The following MID1 variants were observed in gnomAD, a reference collection of about 807,000 sequenced individuals.
MID1 encodes the protein E3 ubiquitin-protein ligase Midline-1.
Under a neutral mutation model 40.4 loss-of-function variants are expected in MID1, and 7 were observed. The observed-to-expected ratio is 0.17, with a 90% CI of 0.10 to 0.33. MID1 has a LOEUF of 0.33. Among genes scored for constraint, MID1 ranks in the 10% least tolerant of loss-of-function variants. MID1 has a pLI of 1.00. For synonymous variants in MID1, 229 were observed against 221.2 expected (o/e 1.04, Z -0.31); for missense variants, 367 against 558.5 (o/e 0.66, Z 3.46).
chrX:10,754,589 A>G (rs1265919628), intron 1 of MID1, among the ~76,000 whole-genome samples: 2 of 111,230 alleles, frequency 1.8e-5, no homozygotes, highest in African/African-American at 6.6e-5. Flanking sequence ...TCCCAAACAG[A>G]GAGAGACTGA....
intron 1 of MID1, among the ~76,000 whole-genome samples, chrX:10,666,255 C>T (rs377760401): frequency 5.4e-5 from 6 of 110,660 alleles, no homozygotes; most frequent in East Asian, 2.9e-4. Context: ...TCTTCTCAGT[C>T]GCTATTGATG....
chrX:10,516,872 G>A (rs754695794), intron 3 of MID1, among the ~76,000 whole-genome samples: 92 of 109,795 alleles, frequency 8.4e-4, no homozygotes, highest in African/African-American at 2.9e-3. Flanking sequence ...TGCCTTGGCC[G>A]CCCAAAGTAT....
chrX:10,744,998 G>A (rs1245802593), intron 1 of MID1, among the ~76,000 whole-genome samples: 3 of 112,453 alleles, frequency 2.7e-5, no homozygotes, highest in Non-Finnish European at 3.8e-5. Flanking sequence ...AGCTGCTAGA[G>A]CTACTGTTAA....
At chrX:10,591,335 C>T (rs1373144711) in intron 1 of MID1, among the ~76,000 whole-genome samples, 1 of 112,258 alleles carries the variant, frequency 8.9e-6, no homozygotes, top group Admixed American at 9.4e-5. Flanking sequence ...TTTAGCTTGT[C>T]CTTATATAAG....
chrX:10,497,751 G>C (rs1480739198), intron 3 of MID1, among the ~76,000 whole-genome samples: 1 of 111,724 alleles, frequency 9.0e-6, no homozygotes, highest in Non-Finnish European at 1.9e-5. Context: ...CACTTGAAAA[G>C]TATCTACTAG....
chrX:10,669,574 A>C (rs1351290879), intron 1 of MID1, among the ~76,000 whole-genome samples: 3 of 112,061 alleles, frequency 2.7e-5, no homozygotes, highest in African/African-American at 9.7e-5. Flanking sequence ...GTGAAGTCAG[A>C]GTGCTGTGAG....
intron 1 of MID1, among the ~76,000 whole-genome samples, chrX:10,784,858 C>T (rs1427009910): frequency 1.8e-5 from 2 of 111,208 alleles, no homozygotes; most frequent in Admixed American, 9.6e-5. Context: ...GACAAACCCA[C>T]AGCCAATATC....
At chrX:10,706,570 TGAA>T (rs1427857354) in intron 1 of MID1, among the ~76,000 whole-genome samples, 1 of 110,971 alleles carries the variant, frequency 9.0e-6, no homozygotes, top group Non-Finnish European at 1.9e-5. Flanking sequence ...TGCCACCAGG[TGAA>T]GAAGGATGTG....
Position 10,449,682 on chromosome X carries a change from T to C in MID1, c.1690A>G (p.Lys564Glu). 1 of 1,211,152 alleles carries C rather than the reference T, an allele frequency of 8.3e-7. No homozygotes were observed. Among genetic ancestry groups the C allele is most frequent in the Non-Finnish European group, 1.1e-6 (1 of 895,196 alleles). Residue 564 changes from lysine (K) to glutamate (E), a missense_variant, in exon 10 of 10, where the codon AAG (lysine) becomes GAG (glutamate). This residue lies in a region of MID1 where 275 missense variants were observed against 383.1 expected (regional missense o/e 0.72). Coordinates refer to ENST00000317552, the MANE Select transcript of MID1 (RefSeq NM_000381.4). Reference sequence around the variant, plus strand: ...GAGTTCTTCCCAATCCATTCATGCTTCGGGGCTGATTTGTAAGCAAGACCA... The same window carrying C: ...GAGTTCTTCCCAATCCATTCATGCTCCGGGGCTGATTTGTAAGCAAGACCA... ...AIGLAYKSAP[K>E]HEWIGKNSAS...
chrX:10,530,746 C>G, intron 2 of MID1, among the ~76,000 whole-genome samples: 1 of 111,696 alleles, frequency 9.0e-6, no homozygotes, highest in East Asian at 2.8e-4. Flanking sequence ...AATAGTAAAT[C>G]CAACTTAACA....
At chrX:10,523,246 G>T in intron 2 of MID1, 59 bp from the exon 3 acceptor site, 1 of 846,190 alleles carries the variant, frequency 1.2e-6, no homozygotes, top group Non-Finnish European at 1.7e-6. Flanking sequence ...TTATACTTCA[G>T]ATACACAAAA....
At chrX:10,776,939 C>T (rs192558732) in intron 1 of MID1, among the ~76,000 whole-genome samples, 1 of 111,990 alleles carries the variant, frequency 8.9e-6, no homozygotes, top group Non-Finnish European at 1.9e-5. Context: ...CTACTATCTG[C>T]CATGTACTGT....
At chrX:10,812,785 C>T (rs2044111025) in intron 1 of MID1, among the ~76,000 whole-genome samples, 1 of 111,292 alleles carries the variant, frequency 9.0e-6, no homozygotes, top group African/African-American at 3.3e-5. Context: ...AGAAGCATGC[C>T]CAAGTCTCCA....
intron 1 of MID1, among the ~76,000 whole-genome samples, chrX:10,670,857 C>T (rs186066493): frequency 1.8e-5 from 2 of 112,268 alleles, no homozygotes; most frequent in Admixed American, 1.9e-4. Flanking sequence ...TTCTTTCCCA[C>T]TCTCTTTTAG....
At chrX:10,521,555 T>C (rs1180118281) in intron 3 of MID1, among the ~76,000 whole-genome samples, 3 of 111,385 alleles carry the variant, frequency 2.7e-5, no homozygotes, top group Non-Finnish European at 5.7e-5. Context: ...ATGATAATTG[T>C]TTAGTTTCAG....
At chrX:10,464,469 C>T (rs1488225015) in intron 7 of MID1, among the ~76,000 whole-genome samples, 3 of 112,007 alleles carry the variant, frequency 2.7e-5, no homozygotes, top group Admixed American at 9.5e-5. Context: ...TTGCTCCTTC[C>T]TTGTAATTTT....
intron 1 of MID1, among the ~76,000 whole-genome samples, chrX:10,666,964 A>C (rs2042954965): frequency 9.0e-6 from 1 of 111,702 alleles, no homozygotes; most frequent in Non-Finnish European, 1.9e-5. Flanking sequence ...CATGGACAGG[A>C]ATAAGGAATA....
intron 1 of MID1, among the ~76,000 whole-genome samples, chrX:10,601,074 T>A (rs1295656871): frequency 1.8e-5 from 2 of 112,488 alleles, no homozygotes; most frequent in African/African-American, 6.5e-5. Context: ...TAAGAAAAGG[T>A]CTTATTAGCT....
At chrX:10,607,725 A>G (rs1323619264) in intron 1 of MID1, among the ~76,000 whole-genome samples, 2 of 112,473 alleles carry the variant, frequency 1.8e-5, no homozygotes, top group Non-Finnish European at 3.8e-5. Context: ...CTGATACCTA[A>G]TGTGTCTATT....
Sources: allele counts gnomAD v4.1 joint callset (sites outside exome capture counted in the v4.1 genomes callset), GRCh38; gene constraint gnomAD v4.1.1; regional missense constraint gnomAD v4.1.1; transcripts MANE v1.5; gene names NCBI Gene and HGNC (gene_info 2026-07-23, HGNC 2026-07-21).